MAML2: variants seen among roughly 807,000 people sequenced by gnomAD.
MAML2 encodes the protein mastermind-like protein 2.
A neutral mutation model predicts 96.1 loss-of-function variants in MAML2; 22 were observed. The ratio of observed to expected loss-of-function variants is 0.23; its 90% CI spans 0.16 to 0.33. The LOEUF is 0.33. MAML2 is among the 10% of genes least tolerant of loss of function. The probability of loss-of-function intolerance (pLI) is 1.00; values close to 1 mark genes in which losing one functional copy is unlikely to be tolerated. For missense variants in MAML2, 1,367 were observed against 1,392.4 expected, an observed-to-expected ratio of 0.98 and a Z score of 0.29; for synonymous variants, 561 against 521.3, an observed-to-expected ratio of 1.08 and a Z score of -1.04.
intron 2 of MAML2, among the ~76,000 whole-genome samples, chr11:96,059,782 A>G (rs1192869970): frequency 6.6e-6 from 1 of 152,026 alleles, no homozygotes; most frequent in Non-Finnish European, 1.5e-5. Context: ...GGGATACTCA[A>G]CCTGCATTTC....
chr11:96,181,522 C>T (rs1489469508), intron 1 of MAML2, among the ~76,000 whole-genome samples: 1 of 152,158 alleles, frequency 6.6e-6, no homozygotes, highest in East Asian at 1.9e-4. Context: ...ATAGGAAAAT[C>T]TTCCTTTACT....
At chr11:96,003,955 C>T (rs1237049226) in intron 2 of MAML2, among the ~76,000 whole-genome samples, 2 of 152,026 alleles carry the variant, frequency 1.3e-5, no homozygotes, top group African/African-American at 4.8e-5. Flanking sequence ...TGAGCATTAC[C>T]ACCACTGCCT....
At chr11:96,330,537 G>T (rs1251508176) in intron 1 of MAML2, among the ~76,000 whole-genome samples, 2 of 152,208 alleles carry the variant, frequency 1.3e-5, no homozygotes, top group Non-Finnish European at 2.9e-5. Flanking sequence ...CACCCCAAAA[G>T]TTAGTGGCTT....
At chr11:96,253,105 G>A (rs1374148229) in intron 1 of MAML2, among the ~76,000 whole-genome samples, 2 of 152,250 alleles carry the variant, frequency 1.3e-5, no homozygotes, top group East Asian at 3.9e-4. Context: ...ATATAGTAGA[G>A]CCTATAGTAG....
intron 2 of MAML2, among the ~76,000 whole-genome samples, chr11:96,009,024 T>C (rs1858228797): frequency 6.6e-6 from 1 of 152,218 alleles, no homozygotes; most frequent in African/African-American, 2.4e-5. Context: ...GTACTTCATT[T>C]GGGGAAGGTG....
chr11:96,042,167 G>A (rs1455216144), intron 2 of MAML2, among the ~76,000 whole-genome samples: 1 of 152,044 alleles, frequency 6.6e-6, no homozygotes, highest in African/African-American at 2.4e-5. Context: ...TAGTAGAGAC[G>A]AGGTTTTACC....
At position 96,059,866 on chromosome 11, in the gene MAML2, G is replaced by C. The variant is rs546439848; in HGVS notation, c.2139+32026C>G. ...CGAAGTACTTAAGGATGGAAGAAAA[G>C]TGGTCCTTGCCCTTGAGCATCTGAC... On this transcript the variant is annotated intron_variant, in intron 2 of 4. Transcript: ENST00000524717. 3.3e-5 allele frequency among the ~76,000 whole-genome samples: 5 copies of C among 152,334 alleles called. No homozygotes were observed. The South Asian group carries it at 1.0e-3, about 32-fold the overall frequency.
At chr11:96,043,720 A>G (rs1162401001) in intron 2 of MAML2, among the ~76,000 whole-genome samples, 1 of 152,242 alleles carries the variant, frequency 6.6e-6, no homozygotes, top group Non-Finnish European at 1.5e-5. Flanking sequence ...TGGGCAGGCA[A>G]TTATTCTGCA....
At chr11:95,992,145 G>A (rs541010344) in intron 2 of MAML2, among the ~76,000 whole-genome samples, 14 of 152,254 alleles carry the variant, frequency 9.2e-5, no homozygotes, top group African/African-American at 2.4e-4. Context: ...TTTAATTCAC[G>A]TGTTTAAAAG....
At chr11:96,096,600 A>G (rs2135816995) in intron 1 of MAML2, among the ~76,000 whole-genome samples, 1 of 152,326 alleles carries the variant, frequency 6.6e-6, no homozygotes, top group East Asian at 1.9e-4. Flanking sequence ...CTAGGCCCTG[A>G]CAGAGGTAAA....
intron 1 of MAML2, among the ~76,000 whole-genome samples, chr11:96,101,275 G>A (rs1456392154): frequency 5.9e-5 from 9 of 152,080 alleles, no homozygotes; most frequent in Non-Finnish European, 7.4e-5. Flanking sequence ...AATTTGCCTC[G>A]GAAACACTCT....
intron 1 of MAML2, among the ~76,000 whole-genome samples, 165 bp downstream of exon 1, chr11:96,341,218 G>A (rs1298182302): frequency 1.3e-5 from 2 of 152,188 alleles, no homozygotes; most frequent in East Asian, 3.8e-4. Context: ...AACATGATGA[G>A]TAGGCGCATG....
rs556373226 is a variant in MAML2 at position 96,149,927 on chromosome 11, C to T, written c.514-56410G>A. On this transcript the variant is annotated intron_variant, in intron 1 of 4. Transcript: ENST00000524717. Reference sequence around the variant, plus strand: ...GTCTCTCTGTCTTTATTTGATCCACCGCCATGTTCTTAACTGTCACCTCAA... The same window carrying T: ...GTCTCTCTGTCTTTATTTGATCCACTGCCATGTTCTTAACTGTCACCTCAA... Among the ~76,000 whole-genome samples, 8 of 152,134 alleles carry T rather than the reference C, an allele frequency of 5.3e-5. No individual in the cohort carries two copies. The South Asian group carries it at 1.7e-3, about 32-fold the overall frequency.
intron 1 of MAML2, among the ~76,000 whole-genome samples, chr11:96,226,500 TA>T (rs1862211398): frequency 6.6e-6 from 1 of 152,242 alleles, no homozygotes; most frequent in Non-Finnish European, 1.5e-5. Context: ...TAATTAATTC[TA>T]ATCTGTTCCC....
In MAML2 at chr11:95,985,597, G is replaced by T. The variant is rs769897225; in HGVS notation, c.2389C>A (p.Pro797Thr). Residue 797 changes from proline (P) to threonine (T), a missense_variant, in exon 4 of 5, where the codon CCA becomes ACA. Coordinates refer to ENST00000524717, the MANE Select transcript of MAML2 (RefSeq NM_032427.4). The stretch of plus-strand genomic sequence containing the variant: ...CTTTGGTCTTTATAATCTGGAGGTG[G>T]CCTTGACAAATGTCGGTTTATCTGA... ...QDQINRHLSR[P>T]PPDYKDQRRN... The T allele has an allele frequency of 3.7e-6, 6 of 1,612,540 alleles. No homozygotes were observed. The highest frequency in any genetic ancestry group is 5.1e-6 in the Non-Finnish European group (6 of 1,179,200).
At chr11:96,126,603 A>G (rs1292992824) in intron 1 of MAML2, among the ~76,000 whole-genome samples, 1 of 152,070 alleles carries the variant, frequency 6.6e-6, no homozygotes, top group East Asian at 1.9e-4. Context: ...CAAGTACTGT[A>G]TCCGGATTCT....
chr11:95,986,575 A>C (rs1857832788), intron 3 of MAML2, among the ~76,000 whole-genome samples: 1 of 152,112 alleles, frequency 6.6e-6, no homozygotes, highest in Non-Finnish European at 1.5e-5. Context: ...GTACCGATAT[A>C]GGCACTATAT....
At chr11:96,224,890 G>GT (rs149660689) in intron 1 of MAML2, among the ~76,000 whole-genome samples, 2,767 of 151,582 alleles carry the variant, frequency 0.018, 86 homozygotes, top group African/African-American at 0.064. Flanking sequence ...AAGGATTTTT[G>GT]TTTTTTTTCA....
At chr11:96,169,286 A>T (rs1334056683) in intron 1 of MAML2, among the ~76,000 whole-genome samples, 1 of 152,252 alleles carries the variant, frequency 6.6e-6, no homozygotes, top group Non-Finnish European at 1.5e-5. Flanking sequence ...TCCACTGTGC[A>T]TCCTTATCCA....
Sources: gnomAD v4.1 joint callset for allele counts (sites outside exome capture counted in the v4.1 genomes callset) on GRCh38, gnomAD v4.1.1 for gene constraint, MANE v1.5 for transcripts, NCBI Gene and HGNC (gene_info 2026-07-23, HGNC 2026-07-21) for gene names.